The following TUSC3 variants were observed in gnomAD, a reference collection of about 807,000 sequenced individuals.
The protein encoded by TUSC3 is dolichyl-diphosphooligosaccharide--protein glycosyltransferase subunit TUSC3.
A neutral mutation model predicts 44.8 loss-of-function variants in TUSC3; 45 were observed. The observed-to-expected ratio is 1.00, with a 90% CI of 0.79 to 1.29. The LOEUF (loss-of-function observed/expected upper bound fraction) is 1.29. TUSC3 is among the 50% of genes most tolerant of loss of function. The probability of loss-of-function intolerance (pLI) is 0.00; values close to 1 mark genes in which losing one functional copy is unlikely to be tolerated. For synonymous variants in TUSC3, 212 were observed against 152.9 expected (o/e 1.39, Z -2.85); for missense variants, 519 against 437.9 (o/e 1.19, Z -1.65).
At chr8:15,508,451 A>G (rs1801087574) in intron 2 of TUSC3, among the ~76,000 whole-genome samples, 1 of 122,812 alleles carries the variant, frequency 8.1e-6, no homozygotes, top group East Asian at 2.6e-4. Flanking sequence ...TAGGAATCGA[A>G]GCTTCCTTTT....
At chr8:15,481,859 G>C (rs552984535) in intron 1 of TUSC3, among the ~76,000 whole-genome samples, 10 of 152,190 alleles carry the variant, frequency 6.6e-5, no homozygotes, top group African/African-American at 2.2e-4. Context: ...TAAAACTTGG[G>C]GTGGCTGTGG....
intron 4 of TUSC3, 110 bp from the exon 5 acceptor site, chr8:15,662,046 G>C: frequency 8.4e-7 from 1 of 1,192,574 alleles, no homozygotes; most frequent in East Asian, 2.5e-5. Flanking sequence ...TGAAAAGTTG[G>C]GTGGCATGTT....
rs1342806263 is a variant in TUSC3, at chr8:15,540,342, C to T, written c.-89C>T. 2.2e-6 allele frequency: 3 copies of T among 1,379,662 alleles called. No individual in the cohort carries two copies. Among genetic ancestry groups the T allele is most frequent in the Admixed American group, 3.4e-5 (1 of 28,994 alleles). The allele number at this position is 1,379,662 out of a possible 1,614,324, so 85.5% of individuals were successfully genotyped here. A position where few individuals can be genotyped will look rare whatever the true frequency, so the allele number is the denominator to read the frequency against. On this transcript the variant is annotated 5_prime_UTR_variant, in exon 1 of 11. Coordinates refer to ENST00000503731, the MANE Select transcript of TUSC3 (RefSeq NM_006765.4). The stretch of plus-strand genomic sequence containing the variant: ...CATCCCGGAGGGCCCAGCCAGCGGG[C>T]TCCCGGAGGCTGGCCGGGCAGGCGT...
rs1247869255 is a variant in TUSC3 at position 15,445,635 on chromosome 8, T to A, written n.91+28330T>A. Among the ~76,000 whole-genome samples the A allele has an allele frequency of 3.3e-5, 5 of 152,234 alleles. No homozygotes were observed. In the East Asian group the frequency reaches 7.7e-4, roughly 24 times the overall value. On this transcript the variant is annotated intron_variant and non_coding_transcript_variant, in intron 1 of 5. Transcript: ENST00000503191. ...GTTTCAGAGAGCACTGGGTTGGGGG[T>A]AAGGTTATAGATTAACAGCATCCCA...
At chr8:15,712,216 T>C (rs899233537) in intron 6 of TUSC3, among the ~76,000 whole-genome samples, 3 of 152,038 alleles carry the variant, frequency 2.0e-5, no homozygotes, top group African/African-American at 7.2e-5. Flanking sequence ...GATTATCTAA[T>C]TCATTCTTCG....
At chr8:15,686,513 G>C (rs202219169) in intron 6 of TUSC3, among the ~76,000 whole-genome samples, 1 of 151,704 alleles carries the variant, frequency 6.6e-6, no homozygotes, top group Non-Finnish European at 1.5e-5. Context: ...TATTTCTTAG[G>C]CAGCCATACC....
In TUSC3 at chr8:15,523,688, G is replaced by GTATATATATATATA. The variant is rs1296439729; in HGVS notation, n.189+40206_189+40207insATATATATATATAT. Among the ~76,000 whole-genome samples, 220 of 50,040 alleles carry GTATATATATATATA rather than the reference G, an allele frequency of 4.4e-3. 8 individuals carry two copies. The highest frequency in any genetic ancestry group is 7.0e-3 in the Non-Finnish European group (172 of 24,604). 32.8% of individuals were successfully genotyped at this position (50,040 alleles called of 152,430 possible). On this transcript the variant is annotated intron_variant and non_coding_transcript_variant, in intron 2 of 5. Transcript: ENST00000503191. ...TATGTGTGTGTGTGTGTGTGTGTGT[G>GTATATATATATATA]TGTGTGTGTGTGTGTGTGTGTATAT...
the TUSC3 span, among the ~76,000 whole-genome samples, chr8:15,821,176 G>A: frequency 6.6e-6 from 1 of 152,066 alleles, no homozygotes; most frequent in African/African-American, 2.4e-5. Context: ...ATTCTGGGTT[G>A]ACAGTTATTT....
chr8:15,589,078 C>A (rs1803715364), intron 1 of TUSC3, among the ~76,000 whole-genome samples: 1 of 152,038 alleles, frequency 6.6e-6, no homozygotes, highest in Non-Finnish European at 1.5e-5. Flanking sequence ...TTTGTCTCTT[C>A]TTATTTTCTT....
intron 1 of TUSC3, among the ~76,000 whole-genome samples, chr8:15,588,175 C>A (rs1803674505): frequency 6.6e-6 from 1 of 152,110 alleles, no homozygotes; most frequent in South Asian, 2.1e-4. Flanking sequence ...ATTTACATTT[C>A]CACCAGCAGT....
At chr8:15,490,719 A>T (rs1384899763) in intron 2 of TUSC3, among the ~76,000 whole-genome samples, 2 of 152,348 alleles carry the variant, frequency 1.3e-5, no homozygotes, top group Non-Finnish European at 2.9e-5. Context: ...TGCACTCATC[A>T]AAAATAATAC....
intron 1 of TUSC3, among the ~76,000 whole-genome samples, chr8:15,431,605 T>G (rs1799874478): frequency 6.7e-6 from 1 of 148,692 alleles, no homozygotes; most frequent in South Asian, 2.1e-4. Flanking sequence ...TATATAGGAT[T>G]ATGTCTTGTA....
intron 1 of TUSC3, among the ~76,000 whole-genome samples, chr8:15,593,690 C>G (rs187292190): frequency 1.1e-4 from 17 of 152,164 alleles, no homozygotes; most frequent in Admixed American, 2.0e-4. Context: ...TTCTTGTAGT[C>G]TTTCCTCATT....
At chr8:15,568,075 C>G (rs1802742305) in intron 1 of TUSC3, among the ~76,000 whole-genome samples, 1 of 152,064 alleles carries the variant, frequency 6.6e-6, no homozygotes, top group Admixed American at 6.6e-5. Context: ...ACGATTGGCA[C>G]AAGGTTGGGA....
At chr8:15,513,151 T>C (rs1449976169) in intron 2 of TUSC3, among the ~76,000 whole-genome samples, 1 of 151,644 alleles carries the variant, frequency 6.6e-6, no homozygotes, top group Non-Finnish European at 1.5e-5. Flanking sequence ...GAGTGTGACA[T>C]CATATACAAA....
chr8:15,584,807 A>G (rs1472333943), intron 1 of TUSC3, among the ~76,000 whole-genome samples: 1 of 152,140 alleles, frequency 6.6e-6, no homozygotes, highest in Non-Finnish European at 1.5e-5. Context: ...AATTTCAAAT[A>G]GTGGGATCTT....
At chr8:15,475,346 T>G (rs951384996) in intron 1 of TUSC3, among the ~76,000 whole-genome samples, 4 of 152,176 alleles carry the variant, frequency 2.6e-5, no homozygotes, top group Admixed American at 2.0e-4. Flanking sequence ...CTACACTGCA[T>G]CCCTATCCCC....
At chr8:15,439,686 C>T (rs922273931) in intron 1 of TUSC3, among the ~76,000 whole-genome samples, 1 of 152,194 alleles carries the variant, frequency 6.6e-6, no homozygotes, top group Admixed American at 6.5e-5. Flanking sequence ...ATCTCAAGTG[C>T]TTTAAATTAC....
At chr8:15,832,723 A>G in the TUSC3 span, among the ~76,000 whole-genome samples, 1 of 152,324 alleles carries the variant, frequency 6.6e-6, no homozygotes, top group Admixed American at 6.5e-5. Context: ...CAATTCAACA[A>G]GACCTAACTA....
Sources: gnomAD v4.1 joint callset for allele counts (sites outside exome capture counted in the v4.1 genomes callset) on GRCh38, gnomAD v4.1.1 for gene constraint, MANE v1.5 for transcripts, NCBI Gene and HGNC (gene_info 2026-07-23, HGNC 2026-07-21) for gene names.